The following POLN variants were observed in gnomAD, a reference collection of about 807,000 sequenced individuals.
The protein encoded by POLN is DNA polymerase N.
In POLN, 108 loss-of-function variants were observed where a neutral mutation model predicts 113.5. The observed-to-expected ratio is 0.95, with a 90% CI of 0.81 to 1.12. The LOEUF is 1.12. Ranked by LOEUF, POLN falls within the 50% of genes most tolerant of loss-of-function variation. The pLI, the probability that POLN is intolerant of heterozygous loss-of-function variation, is 0.00. For synonymous variants in POLN, 386 were observed against 391.5 expected (o/e 0.99, Z 0.17); for missense variants, 1,097 against 1,077.1 (o/e 1.02, Z -0.26).
In POLN at chr4:2,152,360, G is replaced by T. The variant is rs1475151426; in HGVS notation, c.1731+4428C>A. 1.7e-3 allele frequency among the ~76,000 whole-genome samples: 242 copies of T among 141,648 alleles called. 1 individual carries two copies. Among genetic ancestry groups the T allele is most frequent in the Middle Eastern group, 6.9e-3 (2 of 290 alleles). The allele number at this position is 141,648 out of a possible 152,430, so 92.9% of individuals were successfully genotyped here. A position where few individuals can be genotyped will look rare whatever the true frequency, so the allele number is the denominator to read the frequency against. ...GCCTGATTTTTTTTTTTTTTTTTAGGAGACAAGGTCTTGCTCTGTCACCTA... is the reference window on the plus strand; with the variant it reads ...GCCTGATTTTTTTTTTTTTTTTTAGTAGACAAGGTCTTGCTCTGTCACCTA... On this transcript the variant is annotated intron_variant, in intron 16 of 25. Coordinates refer to ENST00000511885, the MANE Select transcript of POLN (RefSeq NM_181808.4).
intron 19 of POLN, among the ~76,000 whole-genome samples, chr4:2,107,492 G>A (rs1324892029): frequency 1.3e-5 from 2 of 152,172 alleles, no homozygotes; most frequent in Non-Finnish European, 2.9e-5. Context: ...GGGGTTGCAT[G>A]AGCTGACTGA....
chr4:2,114,013 T>C (rs1479210579), intron 19 of POLN, among the ~76,000 whole-genome samples: 2 of 151,396 alleles, frequency 1.3e-5, no homozygotes, highest in South Asian at 2.1e-4. Flanking sequence ...GATCCTCCCA[T>C]GTCAGCCTCC....
At chr4:2,088,768 T>C in intron 20 of POLN, 2 of 1,306,184 alleles carry the variant, frequency 1.5e-6, no homozygotes. Flanking sequence ...CAGGTGATGC[T>C]GATTTGAAGT....
chr4:2,157,914 A>T lies in POLN; in HGVS notation c.1612-3T>A. 1 of 1,600,614 alleles carries T rather than the reference A, an allele frequency of 6.2e-7. No homozygotes were observed. Among genetic ancestry groups the T allele is most frequent in the Non-Finnish European group, 8.5e-7 (1 of 1,169,830 alleles). ...AAGGTTGACTTGATCTTGTGAACCT[A>T]AGGTGGAAAGACAAGAATAATCATT... is the stretch of plus-strand genomic sequence containing the variant. On this transcript the variant is annotated splice_region_variant and splice_polypyrimidine_tract_variant and intron_variant, in intron 14 of 25. Coordinates refer to ENST00000511885, the MANE Select transcript of POLN (RefSeq NM_181808.4).
chr4:2,213,275 G>A (rs1483833553), intron 3 of POLN, 149 bp from the exon 4 acceptor site: 3 of 479,352 alleles, frequency 6.3e-6, no homozygotes, highest in Non-Finnish European at 1.1e-5. Flanking sequence ...AAATTCACAA[G>A]TAAAATGCTT....
chr4:2,156,861 A>C lies in POLN; in HGVS notation c.1666-8T>G. The C allele has an allele frequency of 6.2e-7, 1 of 1,606,046 alleles. No individual in the cohort carries two copies. On this transcript the variant is annotated splice_region_variant and splice_polypyrimidine_tract_variant and intron_variant, in intron 15 of 25. Transcript: ENST00000511885. ...TGTAGAGGAAATGGAGCCCTTTATT[A>C]GTTAAAAAGAATCAGTGTAAACTCC...
At position 2,169,148 on chromosome 4, in the gene POLN, TG is replaced by T. The variant is rs1206366438; in HGVS notation, c.1554+1530del. ...GCAGGCAGCTCAGCAGGCGCTGGAG[TG>T]GGGGGAGAGAGGAGGTGCCGGGCCA... is the stretch of plus-strand genomic sequence containing the variant. On this transcript the variant is annotated intron_variant, in intron 13 of 25. Coordinates refer to ENST00000511885, the MANE Select transcript of POLN (RefSeq NM_181808.4). 2.0e-5 allele frequency among the ~76,000 whole-genome samples: 3 copies of T among 150,702 alleles called. No homozygotes were observed. In the East Asian group the frequency reaches 5.9e-4, roughly 29 times the overall value.
At chr4:2,171,292 C>T in intron 11 of POLN, 111 bp from the exon 12 acceptor site, 1 of 884,230 alleles carries the variant, frequency 1.1e-6, no homozygotes, top group Non-Finnish European at 1.7e-6. Flanking sequence ...GTGGCTTATG[C>T]CTGTGATACC....
chr4:2,138,889 G>C (rs766630040), intron 16 of POLN, among the ~76,000 whole-genome samples: 11 of 150,124 alleles, frequency 7.3e-5, no homozygotes, highest in Non-Finnish European at 1.5e-4. Context: ...GTGAGACTCT[G>C]TCTCAAAAAA....
intron 22 of POLN, 80 bp downstream of exon 22, chr4:2,081,553 G>C (rs1305311081): frequency 2.2e-6 from 3 of 1,353,054 alleles, no homozygotes; most frequent in African/African-American, 1.4e-5. Context: ...ACAGTGATCG[G>C]TGGGTGCCAC....
In POLN at chr4:2,198,472, T is replaced by C. The variant is rs928287796; in HGVS notation, c.908+52A>G. The C allele has an allele frequency of 2.0e-6, 3 of 1,483,416 alleles. No homozygotes were observed. The African/African-American group carries it at 4.2e-5, about 21-fold the overall frequency. The allele number at this position is 1,483,416 out of a possible 1,614,324, so 91.9% of individuals were successfully genotyped here. Reference sequence around the variant, plus strand: ...TGGACCTTGAGCAAGTTTCCATTAGTATAAAGCAGGCATGTAAGTAGGGTG... The same window carrying C: ...TGGACCTTGAGCAAGTTTCCATTAGCATAAAGCAGGCATGTAAGTAGGGTG... On this transcript the variant is annotated intron_variant, in intron 6 of 25. Coordinates refer to ENST00000511885, the MANE Select transcript of POLN (RefSeq NM_181808.4).
intron 16 of POLN, among the ~76,000 whole-genome samples, chr4:2,134,556 C>T (rs74783217): frequency 5.9e-5 from 9 of 152,252 alleles, no homozygotes; most frequent in East Asian, 5.8e-4. Flanking sequence ...TGATCTTAGT[C>T]GTTCTAATAG....
chr4:2,164,365 G>C (rs1204420522), intron 13 of POLN, among the ~76,000 whole-genome samples: 4 of 151,918 alleles, frequency 2.6e-5, no homozygotes, highest in Non-Finnish European at 4.4e-5. Context: ...GCCAGGCGTG[G>C]TGGTGCATGC....
At chr4:2,091,761 C>CTGTGTGTGTGTGTGTG (rs765518897) in intron 20 of POLN, among the ~76,000 whole-genome samples, 2 of 145,096 alleles carry the variant, frequency 1.4e-5, no homozygotes, top group Non-Finnish European at 3.0e-5. Flanking sequence ...ACACGTGAAT[C>CTGTGTGTGTGTGTGTG]TGTGTGTGTG....
At chr4:2,223,914 T>C (rs1413710214) in intron 3 of POLN, among the ~76,000 whole-genome samples, 1 of 152,236 alleles carries the variant, frequency 6.6e-6, no homozygotes, top group Non-Finnish European at 1.5e-5. Flanking sequence ...TGATGTAGAC[T>C]TCACAAACAC....
At position 2,146,426 on chromosome 4, in the gene POLN, A is replaced by G. The variant is rs927879755; in HGVS notation, c.1731+10362T>C. 5.9e-5 allele frequency among the ~76,000 whole-genome samples: 9 copies of G among 152,158 alleles called. 1 individual carries two copies. Among genetic ancestry groups the G allele is most frequent in the African/African-American group, 2.2e-4 (9 of 41,438 alleles). On this transcript the variant is annotated intron_variant, in intron 16 of 25. Coordinates refer to ENST00000511885, the MANE Select transcript of POLN (RefSeq NM_181808.4). ...GGGAGGCTGAGGCAGAATTGCTTGA[A>G]CCCAGGAGGCGGAGGTTGCAGTGAG...
chr4:2,211,721 G>A (rs1414689546), intron 4 of POLN, among the ~76,000 whole-genome samples: 1 of 152,076 alleles, frequency 6.6e-6, no homozygotes, highest in Non-Finnish European at 1.5e-5. Flanking sequence ...TTAATTAGCT[G>A]GGCATGGTTG....
intron 7 of POLN, among the ~76,000 whole-genome samples, chr4:2,191,494 A>T (rs897625542): frequency 6.6e-6 from 1 of 152,228 alleles, no homozygotes; most frequent in African/African-American, 2.4e-5. Flanking sequence ...GAAAATTCAA[A>T]TATTCCCAGT....
chr4:2,169,625 C>T (rs1346484353), intron 13 of POLN, among the ~76,000 whole-genome samples: 1 of 152,122 alleles, frequency 6.6e-6, no homozygotes, highest in Admixed American at 6.5e-5. Flanking sequence ...AGGGAAAGTA[C>T]TATTATTATT....
Sources: gnomAD v4.1 joint callset for allele counts (sites outside exome capture counted in the v4.1 genomes callset) on GRCh38, gnomAD v4.1.1 for gene constraint, MANE v1.5 for transcripts, NCBI Gene and HGNC (gene_info 2026-07-23, HGNC 2026-07-21) for gene names.